SGCZ: variants seen among roughly 807,000 people sequenced by gnomAD.
SGCZ encodes zeta-sarcoglycan.
Under a neutral mutation model 41.3 loss-of-function variants are expected in SGCZ, and 40 were observed. That is an observed-to-expected ratio of 0.97 (90% CI 0.75 to 1.26). SGCZ has a LOEUF of 1.26. Ranked by LOEUF, SGCZ falls within the 50% of genes most tolerant of loss-of-function variation. SGCZ has a pLI of 0.00. For synonymous variants in SGCZ, 206 were observed against 137.5 expected (o/e 1.50, Z -3.49); for missense variants, 552 against 369.8 (o/e 1.49, Z -4.04).
chr8:14,782,058 GT>G (rs1800606062), intron 1 of SGCZ, among the ~76,000 whole-genome samples: 1 of 152,094 alleles, frequency 6.6e-6, no homozygotes, highest in Non-Finnish European at 1.5e-5. Context: ...TGACAAACTT[GT>G]ACAATGTCCT....
At chr8:14,599,711 C>G (rs1351327962) in intron 1 of SGCZ, among the ~76,000 whole-genome samples, 2 of 152,180 alleles carry the variant, frequency 1.3e-5, no homozygotes, top group South Asian at 2.1e-4. Flanking sequence ...ACGTGTCCCT[C>G]TCTAAAACAA....
chr8:14,669,493 T>C (rs981710674), intron 1 of SGCZ, among the ~76,000 whole-genome samples: 1 of 152,078 alleles, frequency 6.6e-6, no homozygotes, highest in Non-Finnish European at 1.5e-5. Flanking sequence ...TGCCCCTCCA[T>C]CCATAGGTAA....
chr8:15,113,224 A>G (rs10217070), intron 1 of SGCZ, among the ~76,000 whole-genome samples: 8,792 of 149,832 alleles, frequency 0.059, 876 homozygotes, highest in African/African-American at 0.21. Context: ...AAAAAAAAAC[A>G]AAAAGAAAAC....
intron 1 of SGCZ, among the ~76,000 whole-genome samples, chr8:14,567,343 G>C (rs1804402948): frequency 6.6e-6 from 1 of 152,184 alleles, no homozygotes; most frequent in African/African-American, 2.4e-5. Flanking sequence ...TCTAGCTAAG[G>C]GATTGTGAAT....
In SGCZ at chr8:15,202,418, G is replaced by A. The variant is rs578177084; in HGVS notation, c.39+35167C>T. On this transcript the variant is annotated intron_variant, in intron 1 of 7. Transcript: ENST00000382080. ...TCAGGAATGGAAAGCCAAACATTGT[G>A]TCTTCTCACACATAAGTGAGAGCTA... Among the ~76,000 whole-genome samples the A allele has an allele frequency of 3.3e-5, 5 of 152,282 alleles. No homozygotes were observed. The South Asian group carries it at 1.0e-3, about 32-fold the overall frequency.
chr8:14,265,752 GA>G (rs560441286), intron 3 of SGCZ, among the ~76,000 whole-genome samples: 37 of 136,674 alleles, frequency 2.7e-4, no homozygotes, highest in East Asian at 1.3e-3. Flanking sequence ...TATTTAAAAA[GA>G]AAAAAAAAAC....
intron 4 of SGCZ, among the ~76,000 whole-genome samples, chr8:14,203,903 C>G (rs1302714954): frequency 6.6e-6 from 1 of 150,782 alleles, no homozygotes; most frequent in East Asian, 2.0e-4. Context: ...AAAGAGTGCT[C>G]CAAAAAGAAA....
intron 1 of SGCZ, among the ~76,000 whole-genome samples, chr8:14,643,315 C>T (rs922176103): frequency 1.3e-5 from 2 of 151,586 alleles, no homozygotes; most frequent in African/African-American, 4.8e-5. Flanking sequence ...ATTTCACTTT[C>T]TCTGTCTACC....
At chr8:14,511,958 G>C (rs1299934277) in intron 2 of SGCZ, among the ~76,000 whole-genome samples, 1 of 152,078 alleles carries the variant, frequency 6.6e-6, no homozygotes, top group Admixed American at 6.6e-5. Flanking sequence ...ATAAAGGTTG[G>C]AAATAATAGC....
chr8:14,552,289 A>G (rs562978850), intron 2 of SGCZ, among the ~76,000 whole-genome samples: 1 of 152,184 alleles, frequency 6.6e-6, no homozygotes, highest in East Asian at 1.9e-4. Context: ...CTGCAACTAC[A>G]TAAGGAATTC....
At chr8:14,958,045 A>G (rs748565862) in intron 1 of SGCZ, among the ~76,000 whole-genome samples, 1 of 152,116 alleles carries the variant, frequency 6.6e-6, no homozygotes, top group Admixed American at 6.6e-5. Flanking sequence ...AATTTATCAC[A>G]TATTCATCTC....
chr8:15,035,079 A>G (rs9650355), intron 1 of SGCZ, among the ~76,000 whole-genome samples: 82,148 of 151,680 alleles, frequency 0.54, 23,062 homozygotes, highest in Non-Finnish European at 0.62. Flanking sequence ...CTGGTGGTAT[A>G]TAAATCATTT....
rs149197922 is a variant in SGCZ at position 14,686,730 on chromosome 8, G to C, written c.40-131804C>G. Among the ~76,000 whole-genome samples, 4 of 152,164 alleles carry C rather than the reference G, an allele frequency of 2.6e-5. No homozygotes were observed. The East Asian group carries it at 5.8e-4, about 22-fold the overall frequency. On this transcript the variant is annotated intron_variant, in intron 1 of 7. Transcript: ENST00000382080. ...TACATCAGGGAAGAAGGTTGGAATA[G>C]TGACCTATATTTTAATGCATGGTTT...
rs1424297944 is a variant in SGCZ, at chr8:14,786,026, TC to T, written c.40-231101del. On this transcript the variant is annotated intron_variant, in intron 1 of 7. Transcript: ENST00000382080. ...AAGAAAATTTCTGTTTAGAGATATA[TC>T]CCCTTTATTTTTAAGACTTTATTGT... 3.8e-5 allele frequency among the ~76,000 whole-genome samples: 5 copies of T among 132,236 alleles called. No individual in the cohort carries two copies. In the East Asian group the frequency reaches 5.8e-4, roughly 15 times the overall value. 86.8% of individuals were successfully genotyped at this position (132,236 alleles called of 152,430 possible). A position where few individuals can be genotyped will look rare whatever the true frequency, so the allele number is the denominator to read the frequency against.
Position 14,594,839 on chromosome 8 carries a change from TA to T in SGCZ, c.40-39914del, listed in dbSNP as rs534420320. 4.4e-3 allele frequency among the ~76,000 whole-genome samples: 662 copies of T among 151,694 alleles called. 14 individuals are homozygous for T. Among genetic ancestry groups the T allele is most frequent in the African/African-American group, 0.015 (616 of 41,292 alleles). On this transcript the variant is annotated intron_variant, in intron 1 of 7. Coordinates refer to ENST00000382080, the MANE Select transcript of SGCZ (RefSeq NM_139167.4). ...ATGTTATGACGTAAGACGTTTTCCT[TA>T]AAAATTTTTTTACCAACAATTACAT... is the stretch of plus-strand genomic sequence containing the variant.
At chr8:14,202,937 T>A (rs2117074913) in intron 4 of SGCZ, among the ~76,000 whole-genome samples, 1 of 152,264 alleles carries the variant, frequency 6.6e-6, no homozygotes, top group Middle Eastern at 3.4e-3. Flanking sequence ...GGTGATGGAA[T>A]TATGGGGGCG....
chr8:14,686,529 G>T (rs954205167), intron 1 of SGCZ, among the ~76,000 whole-genome samples: 1 of 152,078 alleles, frequency 6.6e-6, no homozygotes, highest in Admixed American at 6.6e-5. Flanking sequence ...AAGGCATATA[G>T]ATTTAAAAGC....
At chr8:14,703,840 C>A (rs1809246240) in intron 1 of SGCZ, among the ~76,000 whole-genome samples, 1 of 151,952 alleles carries the variant, frequency 6.6e-6, no homozygotes, top group Non-Finnish European at 1.5e-5. Context: ...AAGTTGACGA[C>A]TCATGCCAGT....
At chr8:14,814,876 C>T (rs1399273399) in intron 1 of SGCZ, among the ~76,000 whole-genome samples, 1 of 152,074 alleles carries the variant, frequency 6.6e-6, no homozygotes, top group Non-Finnish European at 1.5e-5. Flanking sequence ...ATTAGGAATA[C>T]TTGTAATTTT....
Sources: allele counts gnomAD v4.1 joint callset (sites outside exome capture counted in the v4.1 genomes callset), GRCh38; gene constraint gnomAD v4.1.1; transcripts MANE v1.5; gene names NCBI Gene and HGNC (gene_info 2026-07-23, HGNC 2026-07-21).